Variants in ZNF704 observed in about 807,000 individuals in gnomAD.
ZNF704 encodes the protein zinc finger protein 704, also known as glucocorticoid induced gene 1.
Under a neutral mutation model 44.7 loss-of-function variants are expected in ZNF704, and 10 were observed. The observed-to-expected ratio is 0.22, with a 90% CI of 0.14 to 0.38. The LOEUF is 0.38. Ranked by LOEUF, ZNF704 falls within the 10% of genes least tolerant of loss-of-function variation. The pLI, the probability that ZNF704 is intolerant of heterozygous loss-of-function variation, is 1.00. For synonymous variants in ZNF704, 211 were observed against 207.6 expected (o/e 1.02, Z -0.14); for missense variants, 390 against 545.5 (o/e 0.71, Z 2.84).
intron 1 of ZNF704, among the ~76,000 whole-genome samples, chr8:80,855,645 G>A (rs1201488278): frequency 3.3e-5 from 5 of 152,198 alleles, no homozygotes; most frequent in African/African-American, 1.2e-4. Flanking sequence ...GGTGGATGAT[G>A]AGAGATTACT....
chr8:80,852,558 T>G (rs1227039804), intron 1 of ZNF704, among the ~76,000 whole-genome samples: 1 of 152,236 alleles, frequency 6.6e-6, no homozygotes, highest in Non-Finnish European at 1.5e-5. Context: ...CCTCAGAAGC[T>G]ACTTGCTACC....
chr8:80,745,676 TA>T (rs1292648854), intron 2 of ZNF704, among the ~76,000 whole-genome samples: 1 of 152,194 alleles, frequency 6.6e-6, no homozygotes, highest in Non-Finnish European at 1.5e-5. Flanking sequence ...ATGTGTCTAT[TA>T]AAAATATTCC....
chr8:80,855,522 A>T (rs996770926), intron 1 of ZNF704, among the ~76,000 whole-genome samples: 2 of 152,182 alleles, frequency 1.3e-5, no homozygotes, highest in Non-Finnish European at 2.9e-5. Context: ...TCAGATACAG[A>T]AAGACAAATA....
intron 4 of ZNF704, among the ~76,000 whole-genome samples, chr8:80,674,878 C>T (rs72671911): frequency 0.076 from 11,622 of 152,208 alleles, 638 homozygotes; most frequent in Non-Finnish European, 0.11. Flanking sequence ...GAACCAATGA[C>T]TCAAGCAAAA....
At chr8:80,704,577 G>A (rs1268512846) in intron 2 of ZNF704, among the ~76,000 whole-genome samples, 5 of 152,126 alleles carry the variant, frequency 3.3e-5, no homozygotes, top group Non-Finnish European at 5.9e-5. Flanking sequence ...TCCGGGCACC[G>A]ACCCCGACCC....
the ZNF704 span, among the ~76,000 whole-genome samples, chr8:80,880,603 A>G: frequency 6.6e-6 from 1 of 152,202 alleles, no homozygotes; most frequent in African/African-American, 2.4e-5. Context: ...ACATGGTGGT[A>G]TATAACTTGT....
At chr8:80,799,946 C>T (rs562974301) in intron 2 of ZNF704, among the ~76,000 whole-genome samples, 1 of 152,092 alleles carries the variant, frequency 6.6e-6, no homozygotes, top group East Asian at 1.9e-4. Context: ...AGCTGATAGC[C>T]AGAATAGCTA....
At chr8:80,859,251 T>C (rs1025249247) in intron 1 of ZNF704, among the ~76,000 whole-genome samples, 4 of 152,234 alleles carry the variant, frequency 2.6e-5, no homozygotes, top group Non-Finnish European at 5.9e-5. Flanking sequence ...ATATATATTC[T>C]ATGCTAAAGT....
chr8:80,856,462 TCTC>T (rs1430200402), intron 1 of ZNF704, among the ~76,000 whole-genome samples: 13 of 152,322 alleles, frequency 8.5e-5, no homozygotes, highest in African/African-American at 2.9e-4. Context: ...ACAAAGATAT[TCTC>T]CTGTTTCTTC....
intron 4 of ZNF704, among the ~76,000 whole-genome samples, chr8:80,683,398 G>A (rs1818484848): frequency 6.6e-6 from 1 of 152,126 alleles, no homozygotes; most frequent in South Asian, 2.1e-4. Flanking sequence ...AGACAGCCTG[G>A]AGTTCCTATC....
intron 2 of ZNF704, among the ~76,000 whole-genome samples, chr8:80,739,378 G>C (rs1806718781): frequency 6.6e-6 from 1 of 152,060 alleles, no homozygotes. Context: ...AAGCCTCCAA[G>C]CTCCTCTCCT....
At chr8:80,856,182 C>T (rs1808958215) in intron 1 of ZNF704, among the ~76,000 whole-genome samples, 1 of 152,100 alleles carries the variant, frequency 6.6e-6, no homozygotes, top group Admixed American at 6.5e-5. Flanking sequence ...TGGTCTTGGA[C>T]TCCTGGCTTC....
chr8:80,829,244 C>A (rs1808428695), intron 1 of ZNF704, among the ~76,000 whole-genome samples: 1 of 152,098 alleles, frequency 6.6e-6, no homozygotes, highest in Non-Finnish European at 1.5e-5. Flanking sequence ...GATGTAAGGA[C>A]AAGTATGTTA....
chr8:80,796,680 CAT>C (rs1190564697), intron 2 of ZNF704, among the ~76,000 whole-genome samples: 20 of 152,046 alleles, frequency 1.3e-4, no homozygotes, highest in Non-Finnish European at 2.5e-4. Context: ...GCAGGACAGG[CAT>C]AGAGTGGACA....
At chr8:80,820,249 G>C (rs1191836044) in intron 2 of ZNF704, among the ~76,000 whole-genome samples, 1 of 152,164 alleles carries the variant, frequency 6.6e-6, no homozygotes, top group African/African-American at 2.4e-5. Flanking sequence ...CGTGGAGCTT[G>C]TTTTCTAGGT....
At chr8:80,872,056 T>C (rs932972140) in intron 1 of ZNF704, among the ~76,000 whole-genome samples, 3 of 152,220 alleles carry the variant, frequency 2.0e-5, no homozygotes, top group Admixed American at 6.5e-5. Flanking sequence ...CTATCACAAA[T>C]TGTGCAATCA....
chr8:80,840,861 A>G (rs539091959), intron 1 of ZNF704, among the ~76,000 whole-genome samples: 2 of 152,328 alleles, frequency 1.3e-5, no homozygotes, highest in East Asian at 3.9e-4. Flanking sequence ...AGCTCCCTTG[A>G]AGCATCATAT....
intron 2 of ZNF704, among the ~76,000 whole-genome samples, chr8:80,803,544 T>C (rs980154882): frequency 6.6e-6 from 1 of 152,152 alleles, no homozygotes; most frequent in African/African-American, 2.4e-5. Context: ...CCTACAACCA[T>C]CTGATCTTTG....
chr8:80,665,194 C>T, intron 5 of ZNF704, 112 bp from the exon 6 acceptor site: 5 of 1,195,974 alleles, frequency 4.2e-6, no homozygotes, highest in Non-Finnish European at 5.9e-6. Context: ...CTCTTGTTTG[C>T]CTTGCAAACT....
Sources: gnomAD v4.1 joint callset for allele counts (sites outside exome capture counted in the v4.1 genomes callset) on GRCh38, gnomAD v4.1.1 for gene constraint, MANE v1.5 for transcripts, NCBI Gene and HGNC (gene_info 2026-07-23, HGNC 2026-07-21) for gene names.